SNRPN: variants seen among roughly 807,000 people sequenced by gnomAD.
The protein encoded by SNRPN is small nuclear ribonucleoprotein-associated protein N.
A neutral mutation model predicts 25.2 loss-of-function variants in SNRPN; 7 were observed. The ratio of observed to expected loss-of-function variants is 0.28; its 90% CI spans 0.16 to 0.52. The LOEUF (loss-of-function observed/expected upper bound fraction) is 0.52. SNRPN is among the 20% of genes least tolerant of loss of function. The pLI, the probability that SNRPN is intolerant of heterozygous loss-of-function variation, is 0.96. For synonymous variants in SNRPN, 124 were observed against 110.6 expected (o/e 1.12, Z -0.76); for missense variants, 196 against 322.5 (o/e 0.61, Z 3.00).
intron 2 of SNRPN, among the ~76,000 whole-genome samples, chr15:24,964,392 A>T (rs1188174849): frequency 6.6e-6 from 1 of 152,072 alleles, no homozygotes; most frequent in Non-Finnish European, 1.5e-5. Context: ...TACCAAGTTC[A>T]AGTGATTCTC....
chr15:24,977,494 G>C (rs1335263861), intron 7 of SNRPN, among the ~76,000 whole-genome samples: 2 of 152,078 alleles, frequency 1.3e-5, no homozygotes, highest in East Asian at 3.9e-4. Flanking sequence ...ACAAAAATCA[G>C]CTGTGTGTGG....
intron 3 of SNRPN, among the ~76,000 whole-genome samples, chr15:24,941,693 C>T (rs1202198092): frequency 6.6e-6 from 1 of 152,146 alleles, no homozygotes; most frequent in Non-Finnish European, 1.5e-5. Flanking sequence ...GTGGCACTAG[C>T]CAGCACAACA....
chr15:24,855,363 T>G (rs1237980284), upstream of SNRPN, among the ~76,000 whole-genome samples: 1 of 152,180 alleles, frequency 6.6e-6, no homozygotes, highest in Non-Finnish European at 1.5e-5. Flanking sequence ...GTGAATTTGA[T>G]CTAAAGCCCT....
chr15:24,866,575 T>C (rs979137084), intron 1 of SNRPN, among the ~76,000 whole-genome samples: 1 of 152,118 alleles, frequency 6.6e-6, no homozygotes, highest in Non-Finnish European at 1.5e-5. Flanking sequence ...TCTTTAGCGT[T>C]TTAAAAATAA....
intron 2 of SNRPN, among the ~76,000 whole-genome samples, chr15:24,845,613 GA>G (rs2052126156): frequency 6.6e-6 from 1 of 151,872 alleles, no homozygotes; most frequent in Non-Finnish European, 1.5e-5. Flanking sequence ...AAAAAGAAAA[GA>G]AAAGAAAACG....
chr15:24,867,663 T>A lies in SNRPN; in HGVS notation c.-579+10947T>A, dbSNP rs528044269. Among the ~76,000 whole-genome samples, 366 of 152,270 alleles carry A rather than the reference T, an allele frequency of 2.4e-3. 1 individual carries two copies. Among genetic ancestry groups the A allele is most frequent in the Non-Finnish European group, 3.8e-3 (260 of 68,014 alleles). On this transcript the variant is annotated intron_variant, in intron 1 of 11. Transcript: ENST00000400097. ...TGCTGGGATTACAGGCGTGAGCCAC[T>A]GCGCCCGGCCTTAAATAAGTTTTCT...
chr15:24,918,544 ATG>A lies in SNRPN; in HGVS notation c.-504-1461_-504-1460del, dbSNP rs1276958227. On this transcript the variant is annotated intron_variant, in intron 2 of 11. Coordinates refer to the SNRPN transcript ENST00000400097. The stretch of plus-strand genomic sequence containing the variant: ...TATGTGTATATATAACATAATATAT[ATG>A]TGTGTATATATAACATAATATATAT... 1.8e-3 allele frequency among the ~76,000 whole-genome samples: 231 copies of A among 125,828 alleles called. 13 individuals carry two copies. The highest frequency in any genetic ancestry group is 4.3e-3 in the African/African-American group (144 of 33,124). 82.5% of individuals were successfully genotyped at this position (125,828 alleles called of 152,430 possible).
intron 1 of SNRPN, among the ~76,000 whole-genome samples, chr15:24,827,660 A>C (rs573151566): frequency 6.6e-6 from 1 of 151,988 alleles, no homozygotes; most frequent in South Asian, 2.1e-4. Flanking sequence ...CGAGGTCAGG[A>C]GTTCGAGACC....
At chr15:24,934,159 G>A (rs1163453218) in intron 3 of SNRPN, among the ~76,000 whole-genome samples, 1 of 152,000 alleles carries the variant, frequency 6.6e-6, no homozygotes, top group Non-Finnish European at 1.5e-5. Flanking sequence ...TTAGCTGGGT[G>A]TGGTGGTGCA....
At chr15:24,834,728 C>CCTCTCTCTCTCT (rs372713413) in intron 2 of SNRPN, among the ~76,000 whole-genome samples, 2,276 of 42,600 alleles carry the variant, frequency 0.053, 100 homozygotes, top group Non-Finnish European at 0.072. Flanking sequence ...TCTCTCTCTC[C>CCTCTCTCTCTCT]CTCTCTCTCT....
chr15:24,977,327 T>C (rs2077174528), intron 7 of SNRPN, among the ~76,000 whole-genome samples: 2 of 152,144 alleles, frequency 1.3e-5, no homozygotes, highest in Admixed American at 6.5e-5. Flanking sequence ...GATGTCAGTG[T>C]ACTAAGATTA....
At chr15:24,876,753 A>C (rs1489860246) in intron 1 of SNRPN, among the ~76,000 whole-genome samples, 1 of 152,212 alleles carries the variant, frequency 6.6e-6, no homozygotes, top group Non-Finnish European at 1.5e-5. Context: ...GATTGAATAG[A>C]TGAAGAATAA....
chr15:24,937,537 TAAA>T (rs982984534), intron 3 of SNRPN, among the ~76,000 whole-genome samples: 3 of 151,830 alleles, frequency 2.0e-5, no homozygotes, highest in East Asian at 3.9e-4. Flanking sequence ...TTTTTTTAAT[TAAA>T]AAAAAATTTC....
chr15:24,928,072 CAT>C (rs912933971), intron 3 of SNRPN, among the ~76,000 whole-genome samples: 4 of 152,218 alleles, frequency 2.6e-5, no homozygotes, highest in African/African-American at 9.6e-5. Flanking sequence ...ATCACAAAGA[CAT>C]AAAAATAAAT....
intron 2 of SNRPN, among the ~76,000 whole-genome samples, chr15:24,913,032 T>C (rs1014969522): frequency 2.6e-5 from 4 of 152,098 alleles, no homozygotes; most frequent in African/African-American, 9.7e-5. Flanking sequence ...CTCCGCCTCC[T>C]GGGTTCAAGT....
intron 2 of SNRPN, chr15:24,849,926 A>T (rs557328533): frequency 6.6e-6 from 1 of 152,382 alleles, no homozygotes; most frequent in East Asian, 1.9e-4. Flanking sequence ...GGCAATAATG[A>T]ACGTAATTCA....
At chr15:24,888,167 G>A (rs541292387) in intron 2 of SNRPN, among the ~76,000 whole-genome samples, 1 of 145,448 alleles carries the variant, frequency 6.9e-6, no homozygotes, top group South Asian at 2.2e-4. Context: ...AGAATGCAGT[G>A]GCACAATCTC....
chr15:24,836,209 C>G (rs2051169142), intron 2 of SNRPN, among the ~76,000 whole-genome samples: 1 of 151,984 alleles, frequency 6.6e-6, no homozygotes, highest in Non-Finnish European at 1.5e-5. Context: ...ATAGGGACAC[C>G]AGGCAGATAG....
intron 2 of SNRPN, among the ~76,000 whole-genome samples, chr15:24,839,536 T>C (rs2142983002): frequency 6.6e-6 from 1 of 152,248 alleles, no homozygotes. Flanking sequence ...ATGTAGGCTG[T>C]CAGCAACGGC....
Sources: allele counts gnomAD v4.1 joint callset (sites outside exome capture counted in the v4.1 genomes callset), GRCh38; gene constraint gnomAD v4.1.1; transcripts MANE v1.5; gene names NCBI Gene and HGNC (gene_info 2026-07-23, HGNC 2026-07-21).